Variants in TRIM65 observed in about 807,000 individuals in gnomAD.
The protein encoded by TRIM65 is E3 ubiquitin-protein ligase TRIM65.
TRIM65 carries 46 observed loss-of-function variants against 36.1 expected under a neutral mutation model. The observed-to-expected ratio is 1.27, with a 90% CI of 1.01 to 1.63. The LOEUF (loss-of-function observed/expected upper bound fraction) is 1.63, where lower values mean the gene tolerates loss of function less well. Ranked by LOEUF, TRIM65 falls within the 40% of genes most tolerant of loss-of-function variation. The pLI is 0.00. For missense variants in TRIM65, 708 were observed against 696.6 expected (o/e 1.02, Z -0.18); for synonymous variants, 346 against 313.6 (o/e 1.10, Z -1.09).
chr17:75,890,808 G>A lies in TRIM65; in HGVS notation c.1525C>T (p.Leu509=). 1 of 1,503,970 alleles carries A rather than the reference G, an allele frequency of 6.6e-7. No homozygotes were observed. The highest frequency in any genetic ancestry group is 8.9e-7 in the Non-Finnish European group (1 of 1,127,968). 93.2% of individuals were successfully genotyped at this position (1,503,970 alleles called of 1,614,324 possible). A position where few individuals can be genotyped will look rare whatever the true frequency, so the allele number is the denominator to read the frequency against. The change falls in exon 6 of 6, where the codon CTG becomes TTG. Residue 509 remains leucine (L), a synonymous_variant. Coordinates refer to ENST00000269383, the MANE Select transcript of TRIM65 (RefSeq NM_173547.4). ...LCHQPGAVFP[L]GPQEEVLS is the part of the protein sequence containing the mutation. ...CTGAGCACCTCTTCCTGGGGCCCCAGAGGGAACACAGCCCCTGGCTGATGG... is the reference window on the plus strand; with the variant it reads ...CTGAGCACCTCTTCCTGGGGCCCCAAAGGGAACACAGCCCCTGGCTGATGG...
chr17:75,891,353 G>T lies in TRIM65; in HGVS notation c.986-6C>A. 4 of 1,612,972 alleles carry T rather than the reference G, an allele frequency of 2.5e-6. No individual in the cohort carries two copies. The highest frequency in any genetic ancestry group is 3.4e-6 in the Non-Finnish European group (4 of 1,179,716). ...AAAGGTCAGATTGCGATAATCTGTT[G>T]GGGAAAGGAGGACAGCAGTGGGCTG... is the stretch of plus-strand genomic sequence containing the variant. On this transcript the variant is annotated splice_region_variant and splice_polypyrimidine_tract_variant and intron_variant, in intron 5 of 5. Transcript: ENST00000269383.
intron 4 of TRIM65, among the ~76,000 whole-genome samples, chr17:75,881,588 C>T (rs144366499): frequency 6.6e-5 from 10 of 150,812 alleles, no homozygotes; most frequent in African/African-American, 2.2e-4. Flanking sequence ...TGAGGCTCCG[C>T]CCACCTGAAG....
Position 75,896,569 on chromosome 17 carries a change from G to C in TRIM65, c.369C>G (p.Arg123=). ...CATCCAGCAGCGCCCGCTCGTGGAGGCGACACTCGCGCACGGTGCACACGC... is the reference window on the plus strand; with the variant it reads ...CATCCAGCAGCGCCCGCTCGTGGAGCCGACACTCGCGCACGGTGCACACGC... ...VCSVCTVREC[R]LHERALLDAE... The change falls in exon 1 of 6, where the codon CGC becomes CGG. Residue 123 remains arginine (R), a synonymous_variant. Transcript: ENST00000269383. 1 of 1,361,762 alleles carries C rather than the reference G, an allele frequency of 7.3e-7. No individual in the cohort carries two copies. Among genetic ancestry groups the C allele is most frequent in the Non-Finnish European group, 9.4e-7 (1 of 1,058,852 alleles). 84.4% of individuals were successfully genotyped at this position (1,361,762 alleles called of 1,614,324 possible).
Position 75,891,249 on chromosome 17 carries a change from G to A in TRIM65, c.1084C>T (p.Pro362Ser). ...QVKHCRQSRG[P>S]GGPGSFELWQ... The stretch of plus-strand genomic sequence containing the variant: ...AGCTCAAAGCTGCCGGGCCCGCCTG[G>A]GCCCCGGGACTGACGACAGTGCTTC... The change falls in exon 6 of 6, where the codon CCA becomes TCA. Residue 362 changes from proline (P) to serine (S), a missense_variant. By Grantham distance (74) the Pro-to-Ser change is moderately conservative. Coordinates refer to ENST00000269383, the MANE Select transcript of TRIM65 (RefSeq NM_173547.4). 6.2e-7 allele frequency: 1 copy of A among 1,612,944 alleles called. No homozygotes were observed. The highest frequency in any genetic ancestry group is 8.5e-7 in the Non-Finnish European group (1 of 1,179,742).
At chr17:75,895,477 CCAGGGCCTGGCCCA>C (rs2065332824) in intron 1 of TRIM65, among the ~76,000 whole-genome samples, 1 of 152,202 alleles carries the variant, frequency 6.6e-6, no homozygotes, top group Non-Finnish European at 1.5e-5. Flanking sequence ...CTGCTGACCC[CCAGGGCCTGGCCCA>C]CAGATCTCAG....
Position 75,895,237 on chromosome 17 carries a change from T to A in TRIM65, c.414+1287A>T, listed in dbSNP as rs114958529. ...TACCACTTCCCCTCAGCGTTTCTCA[T>A]CTCCTCCTCCATCTTGGTCTCCCTT... On this transcript the variant is annotated intron_variant, in intron 1 of 5. Coordinates refer to ENST00000269383, the MANE Select transcript of TRIM65 (RefSeq NM_173547.4). 3.6e-3 allele frequency among the ~76,000 whole-genome samples: 553 copies of A among 152,180 alleles called. 4 individuals carry two copies. The highest frequency in any genetic ancestry group is 0.013 in the African/African-American group (526 of 41,502).
At chr17:75,891,395 C>G (rs538073943) in intron 5 of TRIM65, 48 bp from the exon 6 acceptor site, 1 of 1,587,892 alleles carries the variant, frequency 6.3e-7, no homozygotes, top group East Asian at 2.2e-5. Context: ...GACAGCACAA[C>G]CAGATCTCCA....
downstream of TRIM65, among the ~76,000 whole-genome samples, chr17:75,879,835 C>T (rs1002652048): frequency 2.0e-5 from 3 of 150,650 alleles, no homozygotes; most frequent in East Asian, 5.8e-4. Flanking sequence ...CTCACTGCAA[C>T]CTCTGTCTCC....
At chr17:75,881,689 A>C (rs1178308329) in intron 4 of TRIM65, among the ~76,000 whole-genome samples, 2 of 150,666 alleles carry the variant, frequency 1.3e-5, no homozygotes, top group African/African-American at 5.0e-5. Context: ...TGCAACTCCA[A>C]GTGCCAAAAG....
chr17:75,891,746 C>T, intron 5 of TRIM65, 67 bp downstream of exon 5: 1 of 1,018,416 alleles, frequency 9.8e-7, no homozygotes, highest in South Asian at 1.8e-5. Context: ...CACGTGCTCA[C>T]AGCACACACA....
chr17:75,892,606 G>C, intron 2 of TRIM65, 106 bp from the exon 3 acceptor site: 1 of 1,262,472 alleles, frequency 7.9e-7, no homozygotes, highest in Non-Finnish European at 1.1e-6. Flanking sequence ...GATGTGGGGA[G>C]GCAGGGTCCC....
At chr17:75,893,436 G>A (rs935195618) in intron 1 of TRIM65, among the ~76,000 whole-genome samples, 8 of 152,242 alleles carry the variant, frequency 5.3e-5, no homozygotes, top group Admixed American at 3.9e-4. Flanking sequence ...AGACTGAGAG[G>A]GGAGGAAGGG....
In TRIM65 at chr17:75,891,242, C is replaced by A. The variant is rs1470314499; in HGVS notation, c.1091G>T (p.Gly364Val). 1.2e-6 allele frequency: 2 copies of A among 1,612,816 alleles called. No homozygotes were observed. The highest frequency in any genetic ancestry group is 3.3e-5 in the Admixed American group (2 of 60,010). ...KHCRQSRGPGGPGSFELWQVQ... is the reference protein window; with the variant it reads ...KHCRQSRGPGVPGSFELWQVQ... Reference sequence around the variant, plus strand: ...CTGCCAGAGCTCAAAGCTGCCGGGCCCGCCTGGGCCCCGGGACTGACGACA... The same window carrying A: ...CTGCCAGAGCTCAAAGCTGCCGGGCACGCCTGGGCCCCGGGACTGACGACA... The change falls in exon 6 of 6, where the codon GGG (glycine) becomes GTG (valine). Residue 364 changes from glycine (G) to valine (V), a missense_variant. Transcript: ENST00000269383.
downstream of TRIM65, among the ~76,000 whole-genome samples, chr17:75,888,164 TATAAATAA>T (rs61543613): frequency 0.13 from 17,625 of 136,794 alleles, 1,288 homozygotes; most frequent in African/African-American, 0.21. Flanking sequence ...TCAAAAAATA[TATAAATAA>T]ATAAATAAAT....
chr17:75,891,150 C>A lies in TRIM65; in HGVS notation c.1183G>T (p.Val395Leu), dbSNP rs752871709. The change falls in exon 6 of 6, where the codon GTG (valine) becomes TTG (leucine). Residue 395 changes from valine to leucine, a missense_variant. Coordinates refer to ENST00000269383, the MANE Select transcript of TRIM65 (RefSeq NM_173547.4). ...YWEVRASDHSVTLGVSYPQLP... is the reference protein window; with the variant it reads ...YWEVRASDHSLTLGVSYPQLP... ...TGCGGGTAGGAGACGCCCAGTGTCACCGAGTGGTCTGACGCGCGCACCTCC... is the reference window on the plus strand; with the variant it reads ...TGCGGGTAGGAGACGCCCAGTGTCAACGAGTGGTCTGACGCGCGCACCTCC... 1 of 1,608,596 alleles carries A rather than the reference C, an allele frequency of 6.2e-7. No individual in the cohort carries two copies. The highest frequency in any genetic ancestry group is 1.7e-5 in the Admixed American group (1 of 60,004).
rs4398150 is a variant in TRIM65, at chr17:75,892,192, C to A, written c.745-7G>T. 6.4e-7 allele frequency: 1 copy of A among 1,574,322 alleles called. No homozygotes were observed. The highest frequency in any genetic ancestry group is 8.6e-7 in the Non-Finnish European group (1 of 1,159,664). ...GCTGGAGGAGCTGCGATTCCTGAGC[C>A]CCAGGGAGAACAAGTAAGCCTGGGC... On this transcript the variant is annotated splice_polypyrimidine_tract_variant and splice_region_variant and intron_variant, in intron 3 of 5. Coordinates refer to ENST00000269383, the MANE Select transcript of TRIM65 (RefSeq NM_173547.4).
At chr17:75,887,752 C>T (rs527554306), downstream of TRIM65, among the ~76,000 whole-genome samples, 6 of 152,062 alleles carry the variant, frequency 3.9e-5, no homozygotes, top group Non-Finnish European at 5.9e-5. Context: ...CCGGACATGG[C>T]GACTCACGCC....
At position 75,890,686 on chromosome 17, in the gene TRIM65, C is replaced by G. The variant is rs1394578811; in HGVS notation, c.*93G>C. ...CTTTCTGAGTTAACAGAGAGGCCAA[C>G]AGCTGGTCCTCCAGTCCCCAAGCTG... On this transcript the variant is annotated 3_prime_UTR_variant, in exon 6 of 6. Transcript: ENST00000269383. 8.8e-7 allele frequency: 1 copy of G among 1,131,542 alleles called. No homozygotes were observed. Among genetic ancestry groups the G allele is most frequent in the Non-Finnish European group, 1.2e-6 (1 of 830,188 alleles). The allele number at this position is 1,131,542 out of a possible 1,614,324, so 70.1% of individuals were successfully genotyped here. A position where few individuals can be genotyped will look rare whatever the true frequency, so the allele number is the denominator to read the frequency against.
chr17:75,891,843 CTG>C lies in TRIM65; in HGVS notation c.953_954del (p.Thr318SerfsTer18), dbSNP rs768004483. The C allele has an allele frequency of 3.1e-6, 5 of 1,612,808 alleles. No homozygotes were observed. In the Admixed American group the frequency reaches 8.4e-5, roughly 27 times the overall value. ...APGPLAPVPS[T>X]VCPLRRKLWQ... ...CAGAGTTTCCTCCTCAGTGGACAAA[CTG>C]TGCTTGGGACCGGTGCCAGGGGACC... On this transcript the variant is annotated frameshift_variant, in exon 5 of 6. Coordinates refer to ENST00000269383, the MANE Select transcript of TRIM65 (RefSeq NM_173547.4). LOFTEE classifies it low-confidence loss of function (END_TRUNC).
Sources: allele counts gnomAD v4.1 joint callset (sites outside exome capture counted in the v4.1 genomes callset), GRCh38; gene constraint gnomAD v4.1.1; transcripts MANE v1.5; gene names NCBI Gene and HGNC (gene_info 2026-07-23, HGNC 2026-07-21).